The following MAP2K5 variants were observed in gnomAD, a reference collection of about 807,000 sequenced individuals.
MAP2K5 encodes dual specificity mitogen-activated protein kinase kinase 5.
Under a neutral mutation model 83.1 loss-of-function variants are expected in MAP2K5, and 49 were observed. The observed-to-expected ratio is 0.59, with a 90% CI of 0.47 to 0.75. The LOEUF (loss-of-function observed/expected upper bound fraction) is 0.75. Among genes scored for constraint, MAP2K5 ranks in the 30% least tolerant of loss-of-function variants. The probability of loss-of-function intolerance (pLI) is 0.00; values close to 1 mark genes in which losing one functional copy is unlikely to be tolerated. For missense variants in MAP2K5, 457 were observed against 557.5 expected, an observed-to-expected ratio of 0.82 and a Z score of 1.82; for synonymous variants, 202 against 191.8, an observed-to-expected ratio of 1.05 and a Z score of -0.44.
At position 67,774,472 on chromosome 15, in the gene MAP2K5, T is replaced by G. The variant is rs1329665228; in HGVS notation, c.1242+1720T>G. 6.6e-6 allele frequency among the ~76,000 whole-genome samples: 1 copy of G among 152,030 alleles called. No individual in the cohort carries two copies. Among genetic ancestry groups the G allele is most frequent in the Admixed American group, 6.5e-5 (1 of 15,274 alleles). ...AGGAGGCAGGGAACAATAGACTATATGTGAAGCTGCTGTGGTCAGAGAGTG... is the reference window on the plus strand; with the variant it reads ...AGGAGGCAGGGAACAATAGACTATAGGTGAAGCTGCTGTGGTCAGAGAGTG... On this transcript the variant is annotated intron_variant, in intron 21 of 21. Transcript: ENST00000178640. This position sits in a 1 kb window ranked among gnomAD's most constrained non-coding sequence, Gnocchi z 4.9.
In MAP2K5 at chr15:67,555,881, T is replaced by G. The variant is rs954049804; in HGVS notation, c.184+5799T>G. On this transcript the variant is annotated intron_variant, in intron 2 of 21. Coordinates refer to ENST00000178640, the MANE Select transcript of MAP2K5 (RefSeq NM_145160.3). This position sits in a 1 kb window ranked among gnomAD's most constrained non-coding sequence, Gnocchi z 5.2. ...TCACTGCAACCTCCACCTCAGGGGT[T>G]CAAGCGATTCTCCTGCCTCAGCCTC... Among the ~76,000 whole-genome samples the G allele has an allele frequency of 6.6e-6, 1 of 151,990 alleles. No individual in the cohort carries two copies. The highest frequency in any genetic ancestry group is 1.5e-5 in the Non-Finnish European group (1 of 67,994).
At chr15:67,735,197 A>G (rs1020042087) in intron 17 of MAP2K5, among the ~76,000 whole-genome samples, 3 of 152,212 alleles carry the variant, frequency 2.0e-5, no homozygotes, top group African/African-American at 7.2e-5. Flanking sequence ...TGCTTAGCCT[A>G]TGCCAGAAAC....
At chr15:67,701,521 G>T (rs943662770) in intron 15 of MAP2K5, among the ~76,000 whole-genome samples, 1 of 152,180 alleles carries the variant, frequency 6.6e-6, no homozygotes, top group Non-Finnish European at 1.5e-5. Context: ...TTATAATTCT[G>T]CTGTAGGAGT....
intron 15 of MAP2K5, among the ~76,000 whole-genome samples, chr15:67,699,846 A>G (rs984723263): frequency 6.6e-6 from 1 of 152,198 alleles, no homozygotes; most frequent in African/African-American, 2.4e-5. Flanking sequence ...TGTATTTGAC[A>G]GCATATTGGA....
chr15:67,547,899 T>C (rs1310783845), intron 1 of MAP2K5, among the ~76,000 whole-genome samples: 3 of 152,234 alleles, frequency 2.0e-5, no homozygotes, highest in Admixed American at 1.3e-4. Flanking sequence ...AAATGACTAG[T>C]AGATATTACT....
rs373813037 is a variant in MAP2K5 at position 67,724,599 on chromosome 15, A to G, written c.1045-3317A>G. Among the ~76,000 whole-genome samples the G allele has an allele frequency of 6.6e-6, 1 of 152,300 alleles. No homozygotes were observed. The highest frequency in any genetic ancestry group is 2.4e-5 in the African/African-American group (1 of 41,564). The stretch of plus-strand genomic sequence containing the variant: ...ACTCGTTCTTCATGCAGCCATATCT[A>G]CTAAGAAACCATTTTCTTTTTTACC... On this transcript the variant is annotated intron_variant, in intron 16 of 21. Coordinates refer to ENST00000178640, the MANE Select transcript of MAP2K5 (RefSeq NM_145160.3). The surrounding 1 kb of genome is among the most constrained non-coding windows in gnomAD (Gnocchi z 4.4).
At chr15:67,687,040 TGTG>T (rs2087975708) in intron 13 of MAP2K5, among the ~76,000 whole-genome samples, 1 of 152,252 alleles carries the variant, frequency 6.6e-6, no homozygotes, top group South Asian at 2.1e-4. Context: ...TTGATCATGG[TGTG>T]GTTGCATGGA....
At position 67,676,376 on chromosome 15, in the gene MAP2K5, G is replaced by C. The variant is rs913046905; in HGVS notation, c.847+11731G>C. 2.6e-5 allele frequency among the ~76,000 whole-genome samples: 4 copies of C among 152,112 alleles called. No homozygotes were observed. Among genetic ancestry groups the C allele is most frequent in the African/African-American group, 7.2e-5 (3 of 41,420 alleles). Reference sequence around the variant, plus strand: ...TTTCTCCTGGAACTTTTTATAATGTGGCTAAATTGGAAGTCATCTTTTGTT... The same window carrying C: ...TTTCTCCTGGAACTTTTTATAATGTCGCTAAATTGGAAGTCATCTTTTGTT... On this transcript the variant is annotated intron_variant, in intron 13 of 21. Coordinates refer to ENST00000178640, the MANE Select transcript of MAP2K5 (RefSeq NM_145160.3). This position sits in a 1 kb window ranked among gnomAD's most constrained non-coding sequence, Gnocchi z 4.8.
Position 67,790,282 on chromosome 15 carries a change from T to TA in MAP2K5, c.1243-16363dup, listed in dbSNP as rs2090493159. On this transcript the variant is annotated intron_variant, in intron 21 of 21. Coordinates refer to ENST00000178640, the MANE Select transcript of MAP2K5 (RefSeq NM_145160.3). The surrounding 1 kb of genome is among the most constrained non-coding windows in gnomAD (Gnocchi z 4.6). ...CTGACCAGCAAGCGTGCAATGCCCC[T>TA]AGCCCTAATGTGCCATTAATGATAG... 1.3e-5 allele frequency among the ~76,000 whole-genome samples: 2 copies of TA among 152,230 alleles called. No individual in the cohort carries two copies. The highest frequency in any genetic ancestry group is 2.4e-5 in the African/African-American group (1 of 41,460).
At chr15:67,705,660 C>G (rs1031376482) in intron 16 of MAP2K5, among the ~76,000 whole-genome samples, 1 of 151,920 alleles carries the variant, frequency 6.6e-6, no homozygotes, top group Non-Finnish European at 1.5e-5. Context: ...CACTTGAACC[C>G]AGGAGGCGGA....
At chr15:67,596,803 C>T (rs1054470049) in intron 7 of MAP2K5, among the ~76,000 whole-genome samples, 6 of 152,218 alleles carry the variant, frequency 3.9e-5, no homozygotes. Flanking sequence ...TTTTCTTCCT[C>T]CTCCTTCACA....
intron 8 of MAP2K5, among the ~76,000 whole-genome samples, chr15:67,616,319 G>A (rs1264763733): frequency 6.6e-6 from 1 of 152,216 alleles, no homozygotes; most frequent in Non-Finnish European, 1.5e-5. Context: ...GAACCTGAGT[G>A]AGACCAACTC....
chr15:67,606,136 A>T (rs1318443506), intron 8 of MAP2K5, among the ~76,000 whole-genome samples: 1 of 152,210 alleles, frequency 6.6e-6, no homozygotes, highest in Non-Finnish European at 1.5e-5. Flanking sequence ...ATATCATTTG[A>T]TGGAGTCACT....
chr15:67,571,659 ATCT>A (rs1242750301), intron 3 of MAP2K5, among the ~76,000 whole-genome samples: 2 of 151,466 alleles, frequency 1.3e-5, no homozygotes, highest in African/African-American at 4.9e-5. Context: ...TTTAATTTTG[ATCT>A]TCTTAACATC....
At chr15:67,728,120 A>G (rs1414824798) in intron 17 of MAP2K5, among the ~76,000 whole-genome samples, 175 bp downstream of exon 17, 1 of 151,538 alleles carries the variant, frequency 6.6e-6, no homozygotes, top group Non-Finnish European at 1.5e-5. Flanking sequence ...ATTTTTTTAA[A>G]CTCCTGATTT....
intron 7 of MAP2K5, among the ~76,000 whole-genome samples, chr15:67,599,507 T>C (rs2085604963): frequency 2.0e-5 from 3 of 152,220 alleles, no homozygotes; most frequent in Admixed American, 6.5e-5. Flanking sequence ...AAGGAAAATA[T>C]TTCCCTTGGT....
At position 67,633,425 on chromosome 15, in the gene MAP2K5, G is replaced by A. The variant is rs1448396831; in HGVS notation, c.585+2498G>A. Among the ~76,000 whole-genome samples the A allele has an allele frequency of 3.9e-5, 6 of 152,206 alleles. No individual in the cohort carries two copies. In the South Asian group the frequency reaches 6.2e-4, roughly 16 times the overall value. ...TTGCAAAGTACATTATACATTTTTC[G>A]TAATTTCATACATTTTGAATTATGT... On this transcript the variant is annotated intron_variant, in intron 9 of 21. Transcript: ENST00000178640.
intron 6 of MAP2K5, among the ~76,000 whole-genome samples, chr15:67,590,224 G>A (rs1407704247): frequency 6.6e-6 from 1 of 152,076 alleles, no homozygotes; most frequent in Non-Finnish European, 1.5e-5. Context: ...AAAAGTTTAA[G>A]ATGTATTTAG....
rs2090101433 is a variant in MAP2K5, at chr15:67,769,496, C to T, written c.1135-106C>T. The T allele has an allele frequency of 1.0e-6, 1 of 959,794 alleles. No homozygotes were observed. The allele number at this position is 959,794 out of a possible 1,614,324, so 59.5% of individuals were successfully genotyped here. On this transcript the variant is annotated intron_variant, in intron 19 of 21. Coordinates refer to ENST00000178640, the MANE Select transcript of MAP2K5 (RefSeq NM_145160.3). The surrounding 1 kb of genome is among the most constrained non-coding windows in gnomAD (Gnocchi z 5.2). ...TTTTAATTGGGTGAGGCCTTATTCTCATTGTATTCATCTTTATACTCATCC... is the reference window on the plus strand; with the variant it reads ...TTTTAATTGGGTGAGGCCTTATTCTTATTGTATTCATCTTTATACTCATCC...
Sources: allele counts gnomAD v4.1 joint callset (sites outside exome capture counted in the v4.1 genomes callset), GRCh38; gene constraint gnomAD v4.1.1; non-coding constraint Gnocchi (gnomAD v3.1); transcripts MANE v1.5; gene names NCBI Gene and HGNC (gene_info 2026-07-23, HGNC 2026-07-21).